The following ARHGAP4 variants were observed in gnomAD, a reference collection of about 807,000 sequenced individuals.
ARHGAP4 encodes rho GTPase-activating protein 4.
ARHGAP4 carries 25 observed loss-of-function variants against 67.6 expected under a neutral mutation model. The observed-to-expected ratio is 0.37, with a 90% CI of 0.27 to 0.52. The LOEUF (loss-of-function observed/expected upper bound fraction) is 0.52. Ranked by LOEUF, ARHGAP4 falls within the 20% of genes least tolerant of loss-of-function variation. ARHGAP4 has a pLI of 0.92. For synonymous variants in ARHGAP4, 448 were observed against 373.7 expected, an observed-to-expected ratio of 1.20 and a Z score of -2.29; for missense variants, 804 against 854.6, an observed-to-expected ratio of 0.94 and a Z score of 0.74.
In ARHGAP4 at chrX:153,921,476, C is replaced by G; in HGVS notation, c.324G>C (p.Gln108His). The G allele has an allele frequency of 8.3e-7, 1 of 1,202,338 alleles. No homozygotes were observed. Among genetic ancestry groups the G allele is most frequent in the South Asian group, 1.8e-5 (1 of 55,560 alleles). ...TCTCCCGGCTCTGCTGCCGCGTGTGCTGCAGCAGCACCGCCCAGCAGTGCA... is the reference window on the plus strand; with the variant it reads ...TCTCCCGGCTCTGCTGCCGCGTGTGGTGCAGCAGCACCGCCCAGCAGTGCA... Reference protein sequence around the residue: ...SPLHCWAVLLQHTRQQSRESA... With the variant: ...SPLHCWAVLLHHTRQQSRESA... Residue 108 changes from glutamine to histidine, a missense_variant, in exon 3 of 22, where the codon CAG becomes CAC. This residue lies in a region of ARHGAP4 where 404 missense variants were observed against 505.9 expected (regional missense o/e 0.80). Coordinates refer to ENST00000350060, the MANE Select transcript of ARHGAP4 (RefSeq NM_001666.5).
Position 153,907,924 on chromosome X carries a change from G to A in ARHGAP4, c.2646C>T (p.Leu882=). 1 of 1,078,976 alleles carries A rather than the reference G, an allele frequency of 9.3e-7. No individual in the cohort carries two copies. Among genetic ancestry groups the A allele is most frequent in the East Asian group, 3.6e-5 (1 of 27,862 alleles). 88.9% of individuals were successfully genotyped at this position (1,078,976 alleles called of 1,213,427 possible). A position where few individuals can be genotyped will look rare whatever the true frequency, so the allele number is the denominator to read the frequency against. Residue 882 remains leucine (L), a synonymous_variant, in exon 22 of 22, where the codon CTC becomes CTT. Coordinates refer to ENST00000350060, the MANE Select transcript of ARHGAP4 (RefSeq NM_001666.5). ...CCTGGCGGACAGAGGTCTTTCCCAA[G>A]AGCTCCTTAAACACAGAGTCCATGT... ...AQNMDSVFKE[L]LGKTSVRQGL... is the part of the protein sequence containing the mutation.
intron 1 of ARHGAP4, chrX:153,922,389 G>A (rs1437652054): frequency 1.9e-5 from 14 of 754,465 alleles, no homozygotes; most frequent in Admixed American, 8.5e-5. Flanking sequence ...GAGCTGATCC[G>A]GCCTTGTAAG....
intron 21 of ARHGAP4, 142 bp downstream of exon 21, chrX:153,908,928 G>C: frequency 1.7e-6 from 1 of 593,749 alleles, no homozygotes; most frequent in East Asian, 3.6e-5. Context: ...CCTTGGGCCT[G>C]TGTGTCTGGC....
In ARHGAP4 at chrX:153,909,940, G is replaced by T. The variant is rs1557102487; in HGVS notation, c.2231-16C>A. On this transcript the variant is annotated splice_polypyrimidine_tract_variant and intron_variant, in intron 18 of 21. Coordinates refer to ENST00000350060, the MANE Select transcript of ARHGAP4 (RefSeq NM_001666.5). ...CCCTCCAGGTCTGGGGAGGAGAGGG[G>T]GTCCAAGCTGTGGGAGGGGGTGTGG... 1 of 1,208,777 alleles carries T rather than the reference G, an allele frequency of 8.3e-7. No homozygotes were observed. Among genetic ancestry groups the T allele is most frequent in the South Asian group, 1.8e-5 (1 of 56,691 alleles).
At chrX:153,918,425 A>AGG (rs1557104538) in intron 7 of ARHGAP4, among the ~76,000 whole-genome samples, 1 of 112,522 alleles carries the variant, frequency 8.9e-6, no homozygotes, top group Non-Finnish European at 1.9e-5. Context: ...TCGGCCCGAA[A>AGG]GGGGCCCAAT....
chrX:153,921,176 G>A lies in ARHGAP4; in HGVS notation c.436-17C>T, dbSNP rs371642593. The stretch of plus-strand genomic sequence containing the variant: ...ATCCCTGCTCTAGAGGCAGAGGCAA[G>A]GGTGAGCACGGCACTGCCCAGAGCG... On this transcript the variant is annotated splice_polypyrimidine_tract_variant and intron_variant, in intron 3 of 21. Transcript: ENST00000350060. 14 of 1,193,516 alleles carry A rather than the reference G, an allele frequency of 1.2e-5. No homozygotes were observed. The African/African-American group carries it at 2.3e-4, about 19-fold the overall frequency.
rs2065073531 is a variant in ARHGAP4 at position 153,918,951 on chromosome X, G to C, written c.913C>G (p.Leu305Val). Residue 305 changes from leucine to valine, a missense_variant, in exon 7 of 22, where the codon CTG (leucine) becomes GTG (valine). By Grantham distance (32) the Leu-to-Val change is conservative (BLOSUM62 1). Transcript: ENST00000350060. ...QASQVQGLGS[L>V]EEAVEALDPP... ...TCCAGGGCCTCCACAGCTTCTTCCA[G>C]GCTGCCCAGGCCCTGCACTTGGGAG... The C allele has an allele frequency of 8.3e-7, 1 of 1,210,638 alleles. No homozygotes were observed. The highest frequency in any genetic ancestry group is 1.7e-5 in the African/African-American group (1 of 57,359).
intron 1 of ARHGAP4, among the ~76,000 whole-genome samples, chrX:153,924,908 T>C (rs2065117492): frequency 8.9e-6 from 1 of 111,877 alleles, no homozygotes; most frequent in African/African-American, 3.3e-5. Flanking sequence ...ATTTAGGGTG[T>C]CAAGACAGTG....
chrX:153,912,023 A>G (rs1038566184), intron 12 of ARHGAP4, among the ~76,000 whole-genome samples: 2 of 111,818 alleles, frequency 1.8e-5, no homozygotes, highest in African/African-American at 3.2e-5. Context: ...TGACGATATC[A>G]GTTCTGATCT....
chrX:153,908,072 CCCAGTCCCTCAGCCT>C, intron 21 of ARHGAP4, 110 bp from the exon 22 acceptor site: 1 of 623,162 alleles, frequency 1.6e-6, no homozygotes, highest in Admixed American at 5.1e-5. Flanking sequence ...AGCCAACATC[CCCAGTCCCTCAGCCT>C]CCAGGTCACT....
rs376227865 is a variant in ARHGAP4 at position 153,910,821 on chromosome X, C to T, written c.1695G>A (p.Leu565=). The change falls in exon 15 of 22, where the codon CTG becomes CTA. Residue 565 remains leucine (L), a synonymous_variant. Coordinates refer to ENST00000350060, the MANE Select transcript of ARHGAP4 (RefSeq NM_001666.5). The part of the protein sequence containing the change: ...RDAFERGEDP[L]VEGCTAHDLD... Reference sequence around the variant, plus strand: ...GGTCATGGGCAGTGCAGCCCTCCACCAGTGGGTCCTCCCCTGCAGATGGGC... The same window carrying T: ...GGTCATGGGCAGTGCAGCCCTCCACTAGTGGGTCCTCCCCTGCAGATGGGC... 4 of 1,188,672 alleles carry T rather than the reference C, an allele frequency of 3.4e-6. No individual in the cohort carries two copies. The highest frequency in any genetic ancestry group is 3.5e-5 in the African/African-American group (2 of 56,783).
At chrX:153,914,077 G>A (rs949185604) in intron 7 of ARHGAP4, 198 bp from the exon 8 acceptor site, 14 of 432,292 alleles carry the variant, frequency 3.2e-5, no homozygotes, top group African/African-American at 2.0e-4. Context: ...GGTTCGTGGC[G>A]GCACCACTCA....
At position 153,911,038 on chromosome X, in the gene ARHGAP4, TC is replaced by T. The variant is rs2065017180; in HGVS notation, c.1604-40del. On this transcript the variant is annotated intron_variant, in intron 13 of 21. Coordinates refer to ENST00000350060, the MANE Select transcript of ARHGAP4 (RefSeq NM_001666.5). ...AGGAGCTGGTGGGCACTGAGCATCT[TC>T]CCCAGCCCCTCCAGGATGGCCTCCC... 4.3e-6 allele frequency: 5 copies of T among 1,164,409 alleles called. No homozygotes were observed. In the East Asian group the frequency reaches 1.6e-4, roughly 38 times the overall value.
chrX:153,912,725 C>A lies in ARHGAP4; in HGVS notation c.1517G>T (p.Gly506Val). ...PSSQYNQRLF[G>V]GDMEKFIQSS... ...CTGGATAAACTTCTCCATGTCTCCCCCAAAGAGTCTCTGGTTATACTGGGA... is the reference window on the plus strand; with the variant it reads ...CTGGATAAACTTCTCCATGTCTCCCACAAAGAGTCTCTGGTTATACTGGGA... The change falls in exon 12 of 22, where the codon GGG (glycine) becomes GTG (valine). Residue 506 changes from glycine (G) to valine (V), a missense_variant. Gly to Val is a moderately radical substitution (Grantham distance 109). Transcript: ENST00000350060. 1 of 1,210,860 alleles carries A rather than the reference C, an allele frequency of 8.3e-7. No individual in the cohort carries two copies. Among genetic ancestry groups the A allele is most frequent in the Non-Finnish European group, 1.1e-6 (1 of 894,890 alleles).
intron 5 of ARHGAP4, chrX:153,920,325 A>C: frequency 3.1e-6 from 1 of 320,148 alleles, no homozygotes; most frequent in Non-Finnish European, 5.4e-6. Context: ...CCCATCACCC[A>C]CCCTAAGTGT....
At position 153,908,199 on chromosome X, in the gene ARHGAP4, C is replaced by A. The variant is rs782115963; in HGVS notation, c.2608-237G>T. ...CCTTGGTTTAGCCCGGAAGTGGGGA[C>A]CCCCCTCTTCTCGCCCCCACTCTTT... On this transcript the variant is annotated intron_variant, in intron 21 of 21. Coordinates refer to ENST00000350060, the MANE Select transcript of ARHGAP4 (RefSeq NM_001666.5). Among the ~76,000 whole-genome samples the A allele has an allele frequency of 6.4e-4, 72 of 111,890 alleles. 1 individual carries two copies. Among genetic ancestry groups the A allele is most frequent in the African/African-American group, 1.8e-3 (56 of 30,819 alleles).
At chrX:153,915,906 T>C (rs1419460319) in intron 7 of ARHGAP4, among the ~76,000 whole-genome samples, 1 of 112,337 alleles carries the variant, frequency 8.9e-6, no homozygotes, top group East Asian at 2.8e-4. Flanking sequence ...AGCAGGGATT[T>C]TGGACTCAGG....
intron 21 of ARHGAP4, among the ~76,000 whole-genome samples, chrX:153,908,621 TCCTGCCTC>T (rs2064991303): frequency 3.0e-5 from 1 of 33,564 alleles, no homozygotes; most frequent in African/African-American, 1.2e-4. Context: ...AGCCACCCCC[TCCTGCCTC>T]CCTGCCATCT....
chrX:153,920,288 C>T (rs1389218650), intron 5 of ARHGAP4: 4 of 255,676 alleles, frequency 1.6e-5, no homozygotes, highest in South Asian at 9.1e-5. Flanking sequence ...GGGCTCACCT[C>T]GAAGGCCCTT....
Sources: allele counts gnomAD v4.1 joint callset (sites outside exome capture counted in the v4.1 genomes callset), GRCh38; gene constraint gnomAD v4.1.1; regional missense constraint gnomAD v4.1.1; transcripts MANE v1.5; gene names NCBI Gene and HGNC (gene_info 2026-07-23, HGNC 2026-07-21).